Variants in ADAMTSL1 observed in about 807,000 individuals in gnomAD.
ADAMTSL1 encodes the protein ADAMTS-like protein 1.
ADAMTSL1 carries 126 observed loss-of-function variants against 201.8 expected under a neutral mutation model. That is an observed-to-expected ratio of 0.62 (90% confidence interval 0.54 to 0.72). ADAMTSL1 has a LOEUF of 0.72. Ranked by LOEUF, ADAMTSL1 falls within the 30% of genes least tolerant of loss-of-function variation. ADAMTSL1 has a pLI of 0.00. For missense variants in ADAMTSL1, 2,679 were observed against 2,277.8 expected (o/e 1.18, Z -3.59); for synonymous variants, 1,121 against 903.4 (o/e 1.24, Z -4.32).
At chr9:18,716,054 A>G (rs1832909305) in intron 14 of ADAMTSL1, among the ~76,000 whole-genome samples, 2 of 150,540 alleles carry the variant, frequency 1.3e-5, no homozygotes, top group East Asian at 3.9e-4. Context: ...CTGAAACTGG[A>G]TCCCTTCCTT....
At chr9:18,179,105 A>G (rs1788164680) in intron 2 of ADAMTSL1, among the ~76,000 whole-genome samples, 2 of 152,180 alleles carry the variant, frequency 1.3e-5, no homozygotes, top group South Asian at 4.1e-4. Flanking sequence ...TTCAAACCAA[A>G]GGCAAAGACG....
intron 1 of ADAMTSL1, among the ~76,000 whole-genome samples, chr9:17,994,904 A>C (rs1413903424): frequency 6.6e-6 from 1 of 152,176 alleles, no homozygotes; most frequent in Non-Finnish European, 1.5e-5. Context: ...AATAGATGAG[A>C]CCTCGCCCTT....
At chr9:18,855,704 G>C (rs912119764) in intron 23 of ADAMTSL1, among the ~76,000 whole-genome samples, 1 of 152,214 alleles carries the variant, frequency 6.6e-6, no homozygotes, top group East Asian at 1.9e-4. Context: ...TATGATTATG[G>C]AATTCTTCGT....
chr9:18,287,303 G>C (rs138932189), intron 2 of ADAMTSL1, among the ~76,000 whole-genome samples: 1 of 151,448 alleles, frequency 6.6e-6, no homozygotes, highest in East Asian at 1.9e-4. Context: ...AAGTACATAC[G>C]TATATACATA....
At chr9:18,433,447 A>G (rs1819585843) in intron 2 of ADAMTSL1, among the ~76,000 whole-genome samples, 3 of 152,124 alleles carry the variant, frequency 2.0e-5, no homozygotes, top group South Asian at 4.1e-4. Flanking sequence ...AGGGTCTTCA[A>G]TGGGTAGATT....
At chr9:18,889,973 G>GCCAA (rs1426006651) in intron 25 of ADAMTSL1, among the ~76,000 whole-genome samples, 1 of 151,940 alleles carries the variant, frequency 6.6e-6, no homozygotes, top group African/African-American at 2.4e-5. Flanking sequence ...CCCACTAATG[G>GCCAA]CCAGCCAGGT....
chr9:18,022,763 T>C (rs1201750471), intron 1 of ADAMTSL1, among the ~76,000 whole-genome samples: 1 of 152,210 alleles, frequency 6.6e-6, no homozygotes, highest in African/African-American at 2.4e-5. Context: ...TCTTCTTTCC[T>C]ATTGTGAACA....
At chr9:18,474,430 T>C in intron 1 of ADAMTSL1, 135 bp downstream of exon 1, 1 of 897,952 alleles carries the variant, frequency 1.1e-6, no homozygotes, top group South Asian at 1.6e-5. Context: ...ATTTACACGA[T>C]TACAAAGAGA....
At chr9:18,770,923 G>A (rs1045287295) in intron 17 of ADAMTSL1, 142 bp downstream of exon 17, 44 of 912,288 alleles carry the variant, frequency 4.8e-5, no homozygotes, top group African/African-American at 3.5e-4. Flanking sequence ...CATATATACC[G>A]TAGTGTGTAA....
At chr9:18,139,191 G>A (rs1826289741) in intron 1 of ADAMTSL1, among the ~76,000 whole-genome samples, 2 of 152,058 alleles carry the variant, frequency 1.3e-5, no homozygotes, top group African/African-American at 4.8e-5. Flanking sequence ...TGTTGAAATG[G>A]CAATCTTTCG....
At position 18,015,330 on chromosome 9, in the gene ADAMTSL1, C is replaced by T. The variant is rs149590607; in HGVS notation, c.87+108408C>T. On this transcript the variant is annotated intron_variant, in intron 1 of 29. Transcript: ENST00000680146. The stretch of plus-strand genomic sequence containing the variant: ...TTTCTAAAGGAAAGCAGGGAATTTA[C>T]ATAAAGATGGTGATCTCATTTCACA... Among the ~76,000 whole-genome samples the T allele has an allele frequency of 2.0e-5, 3 of 152,166 alleles. No homozygotes were observed. The East Asian group carries it at 5.8e-4, about 30-fold the overall frequency.
intron 2 of ADAMTSL1, among the ~76,000 whole-genome samples, chr9:18,312,679 C>T (rs1265163190): frequency 6.6e-6 from 1 of 152,130 alleles, no homozygotes; most frequent in Admixed American, 6.5e-5. Flanking sequence ...ATTTTTCATC[C>T]TCAGTTTAAA....
chr9:17,966,541 T>G (rs1229344361), intron 1 of ADAMTSL1, among the ~76,000 whole-genome samples: 1 of 152,148 alleles, frequency 6.6e-6, no homozygotes, highest in Non-Finnish European at 1.5e-5. Flanking sequence ...TTTTGTAGTT[T>G]TATCAACAAA....
At position 18,908,530 on chromosome 9, in the gene ADAMTSL1, A is replaced by T; in HGVS notation, c.5271A>T (p.Gly1757=). The stretch of plus-strand genomic sequence containing the variant: ...GCCAGTTTAAATCTCGCTGCTGTGG[A>T]ACTTGTGGCAAAGCGTGAAGATAGG... ...QLSQFKSRCC[G]TCGKA Residue 1757 remains glycine, a synonymous_variant, in exon 29 of 29, where the codon GGA becomes GGT. Transcript: ENST00000380548. 3 of 1,561,688 alleles carry T rather than the reference A, an allele frequency of 1.9e-6. No individual in the cohort carries two copies. The South Asian group carries it at 3.6e-5, about 18-fold the overall frequency.
intron 2 of ADAMTSL1, among the ~76,000 whole-genome samples, chr9:18,464,639 T>A (rs1279264405): frequency 1.3e-5 from 2 of 152,236 alleles, no homozygotes; most frequent in Non-Finnish European, 2.9e-5. Context: ...AAACAATGTT[T>A]TCATCACCAT....
At chr9:18,359,585 A>G (rs543564376) in intron 2 of ADAMTSL1, among the ~76,000 whole-genome samples, 42 of 152,252 alleles carry the variant, frequency 2.8e-4, no homozygotes, top group African/African-American at 1.0e-3. Context: ...ATGACTCTGA[A>G]TGTCTGCTGT....
At chr9:18,338,848 T>A (rs1835352952) in intron 2 of ADAMTSL1, among the ~76,000 whole-genome samples, 2 of 152,118 alleles carry the variant, frequency 1.3e-5, no homozygotes, top group Non-Finnish European at 2.9e-5. Context: ...AAAGTTTAGC[T>A]CCCACTTATA....
chr9:18,040,016 G>A (rs777636764), intron 1 of ADAMTSL1, among the ~76,000 whole-genome samples: 2 of 152,258 alleles, frequency 1.3e-5, no homozygotes, highest in Non-Finnish European at 2.9e-5. Flanking sequence ...GTGTCTCCAG[G>A]ATGGTCCTGA....
intron 1 of ADAMTSL1, among the ~76,000 whole-genome samples, chr9:18,071,355 C>T (rs7859281): frequency 0.65 from 99,193 of 151,742 alleles, 33,179 homozygotes; most frequent in African/African-American, 0.81. Context: ...GTGTGTCTGT[C>T]TGTTCCTTAT....
Sources: allele counts gnomAD v4.1 joint callset (sites outside exome capture counted in the v4.1 genomes callset), GRCh38; gene constraint gnomAD v4.1.1; transcripts MANE v1.5; gene names NCBI Gene and HGNC (gene_info 2026-07-23, HGNC 2026-07-21).